RIF1: variants seen among roughly 807,000 people sequenced by gnomAD.
RIF1 encodes the protein telomere-associated protein RIF1.
Under a neutral mutation model 247.1 loss-of-function variants are expected in RIF1, and 45 were observed. The observed-to-expected ratio is 0.18, with a 90% CI of 0.14 to 0.23. RIF1 has a LOEUF of 0.23. Among genes scored for constraint, RIF1 ranks in the 10% least tolerant of loss-of-function variants. The pLI is 1.00. For synonymous variants in RIF1, 1,087 were observed against 978.8 expected (o/e 1.11, Z -2.06); for missense variants, 2,967 against 2,862.5 (o/e 1.04, Z -0.83).
intron 6 of RIF1, among the ~76,000 whole-genome samples, chr2:151,418,982 T>G (rs1687696348): frequency 2.0e-5 from 3 of 150,550 alleles, no homozygotes; most frequent in Admixed American, 2.0e-4. Context: ...TTTTTTTTTT[T>G]TTTTTTTTTA....
chr2:151,444,491 G>T (rs1692907163), intron 18 of RIF1, among the ~76,000 whole-genome samples: 3 of 152,266 alleles, frequency 2.0e-5, no homozygotes, highest in African/African-American at 7.2e-5. Context: ...TGTATTTTTA[G>T]TCAAGATGGG....
intron 11 of RIF1, among the ~76,000 whole-genome samples, chr2:151,502,427 C>T (rs915342159): frequency 2.0e-5 from 3 of 150,992 alleles, no homozygotes; most frequent in African/African-American, 7.3e-5. Context: ...ATAAAGAATA[C>T]ATTAAACAGC....
In RIF1 at chr2:151,416,585, C is replaced by T. The variant is rs1309888460; in HGVS notation, c.305C>T (p.Ser102Leu). The T allele has an allele frequency of 6.2e-6, 10 of 1,603,000 alleles. No homozygotes were observed. Among genetic ancestry groups the T allele is most frequent in the Non-Finnish European group, 8.5e-6 (10 of 1,176,652 alleles). Residue 102 changes from serine (S) to leucine (L), a missense_variant, in exon 5 of 36, where the codon TCA (serine) becomes TTA (leucine). Physicochemically the swap from Ser to Leu is moderately radical, Grantham distance 145. Transcript: ENST00000444746. Reference protein sequence around the residue: ...LSEANALELLSKLNDTIKNSD... With the variant: ...LSEANALELLLKLNDTIKNSD... ...GAGGCAAATGCTCTAGAATTGCTTTCAAAATTGAATGATACCATTAAGAAT... is the reference window on the plus strand; with the variant it reads ...GAGGCAAATGCTCTAGAATTGCTTTTAAAATTGAATGATACCATTAAGAAT...
chr2:151,486,808 AAT>A (rs1473003159), downstream of RIF1: 3 of 152,238 alleles, frequency 2.0e-5, no homozygotes, highest in African/African-American at 7.2e-5. Flanking sequence ...GTAGCCAAAT[AAT>A]ATAGTGACAG....
At chr2:151,510,522 T>A (rs1286517174), downstream of RIF1, among the ~76,000 whole-genome samples, 1 of 152,240 alleles carries the variant, frequency 6.6e-6, no homozygotes, top group Non-Finnish European at 1.5e-5. Flanking sequence ...CTTTCCACGG[T>A]TTCAGTTAAC....
chr2:151,492,691 G>C (rs1485888966), intron 9 of RIF1: 1 of 394,200 alleles, frequency 2.5e-6, no homozygotes, highest in African/African-American at 2.1e-5. Context: ...GAAAGGACTT[G>C]TTTTGACTTC....
the RIF1 span, among the ~76,000 whole-genome samples, chr2:151,520,214 A>C: frequency 6.6e-6 from 1 of 152,170 alleles, no homozygotes; most frequent in Non-Finnish European, 1.5e-5. Context: ...GAATCTGTTA[A>C]ATTAGGAGAA....
intron 31 of RIF1, 73 bp from the exon 32 acceptor site, chr2:151,468,401 T>G (rs1697288331): frequency 1.6e-6 from 2 of 1,225,812 alleles, no homozygotes; most frequent in South Asian, 1.3e-5. Flanking sequence ...GATTGCAGTC[T>G]AAGTTGTAAA....
At chr2:151,415,563 C>A (rs1196915200) in intron 4 of RIF1, among the ~76,000 whole-genome samples, 216 of 44,822 alleles carry the variant, frequency 4.8e-3, no homozygotes, top group African/African-American at 9.5e-3. Flanking sequence ...GACTCTGTCT[C>A]AAAAAAAAAA....
chr2:151,423,070 CA>C, intron 8 of RIF1, 28 bp downstream of exon 8: 1 of 1,153,992 alleles, frequency 8.7e-7, no homozygotes, highest in Non-Finnish European at 1.3e-6. Context: ...GAACAGTCAA[CA>C]GTTTTTACAT....
chr2:151,440,782 TC>T (rs1312356506), intron 15 of RIF1, among the ~76,000 whole-genome samples: 2 of 152,230 alleles, frequency 1.3e-5, no homozygotes, highest in African/African-American at 4.8e-5. Flanking sequence ...GTTTATCTAT[TC>T]CCTTGGCTTT....
At chr2:151,447,200 C>T (rs1017136784) in intron 20 of RIF1, among the ~76,000 whole-genome samples, 9 of 152,168 alleles carry the variant, frequency 5.9e-5, no homozygotes, top group Admixed American at 1.3e-4. Flanking sequence ...GCCTCGGCCT[C>T]CCAAAGTGCT....
intron 35 of RIF1, 104 bp downstream of exon 35, chr2:151,474,176 A>G (rs934295699): frequency 2.8e-5 from 19 of 680,180 alleles, no homozygotes; most frequent in East Asian, 7.8e-5. Context: ...TATTTCAACA[A>G]TTATTTTATG....
intron 26 of RIF1, among the ~76,000 whole-genome samples, chr2:151,460,897 T>C (rs1275672156): frequency 6.6e-6 from 1 of 152,198 alleles, no homozygotes; most frequent in African/African-American, 2.4e-5. Context: ...GTCCATACTT[T>C]GTAGTTAAGC....
In RIF1 at chr2:151,478,125, T is replaced by C. The variant is rs994277485; in HGVS notation, c.*3054T>C. On this transcript the variant is annotated 3_prime_UTR_variant, in exon 36 of 36. Transcript: ENST00000444746. ...CCACTTGTACAAGTTTGAAAACCAT[T>C]GTTGAATCATATGGAGCTTTACTCT... is the stretch of plus-strand genomic sequence containing the variant. 2.6e-5 allele frequency: 4 copies of C among 152,348 alleles called. No individual in the cohort carries two copies. The highest frequency in any genetic ancestry group is 9.6e-5 in the African/African-American group (4 of 41,560). The allele number at this position is 152,348 out of a possible 1,614,324, so 9.4% of individuals were successfully genotyped here.
rs1298333746 is a variant in RIF1, at chr2:151,440,096, A to G, written c.1616A>G (p.Lys539Arg). Reference protein sequence around the residue: ...LLLKSLESIVKSEVFPVSKTL... With the variant: ...LLLKSLESIVRSEVFPVSKTL... ...TTAAAGTCTTTGGAAAGCATAGTAA[A>G]GTCTGAAGTATTTCCTGTATCAAAA... Residue 539 changes from lysine to arginine, a missense_variant, in exon 15 of 36, where the codon AAG (lysine) becomes AGG (arginine). Lys to Arg is a conservative substitution (Grantham distance 26). This residue lies in a region of RIF1 where 369 missense variants were observed against 322.0 expected (regional missense o/e 1.15). Coordinates refer to ENST00000444746, the MANE Select transcript of RIF1 (RefSeq NM_018151.5). 6.3e-7 allele frequency: 1 copy of G among 1,592,840 alleles called. No homozygotes were observed. The highest frequency in any genetic ancestry group is 8.6e-7 in the Non-Finnish European group (1 of 1,166,958).
chr2:151,473,602 A>T (rs998336622), intron 34 of RIF1, among the ~76,000 whole-genome samples: 28 of 152,020 alleles, frequency 1.8e-4, no homozygotes, highest in African/African-American at 4.3e-4. Flanking sequence ...TCTTTTTTTT[A>T]AAAAAATTCT....
Position 151,464,177 on chromosome 2 carries a change from G to A in RIF1, c.4657G>A (p.Glu1553Lys), listed in dbSNP as rs1208414693. 2 of 1,610,722 alleles carry A rather than the reference G, an allele frequency of 1.2e-6. No homozygotes were observed. Among genetic ancestry groups the A allele is most frequent in the Admixed American group, 1.7e-5 (1 of 59,230 alleles). ...TTTGCTTTCCAGCATTGAAAACTCA[G>A]AATCTGATAGTTCGGAGGCAAAAGA... ...QGLLSSIENS[E>K]SDSSEAKEEG... Residue 1553 changes from glutamate to lysine, a missense_variant, in exon 30 of 36, where the codon GAA becomes AAA. Physicochemically the swap from Glu to Lys is moderately conservative, Grantham distance 56. This residue lies in a region of RIF1 where 2,028 missense variants were observed against 1,825.6 expected (regional missense o/e 1.11). Transcript: ENST00000444746.
At chr2:151,501,157 T>A (rs1425260583) in intron 11 of RIF1, among the ~76,000 whole-genome samples, 1 of 151,920 alleles carries the variant, frequency 6.6e-6, no homozygotes, top group Non-Finnish European at 1.5e-5. Context: ...CCCAACAACA[T>A]AAAGATGAAA....
Sources: allele counts gnomAD v4.1 joint callset (sites outside exome capture counted in the v4.1 genomes callset), GRCh38; gene constraint gnomAD v4.1.1; regional missense constraint gnomAD v4.1.1; transcripts MANE v1.5; gene names NCBI Gene and HGNC (gene_info 2026-07-23, HGNC 2026-07-21).